SYNE1: variants seen among roughly 807,000 people sequenced by gnomAD.
SYNE1 encodes the protein spectrin repeat containing nuclear envelope protein 1, also known as nesprin-1.
SYNE1 carries 616 observed loss-of-function variants against 1,111.0 expected under a neutral mutation model. The observed-to-expected ratio is 0.55, with a 90% CI of 0.52 to 0.59. The LOEUF (loss-of-function observed/expected upper bound fraction) is 0.59. Among genes scored for constraint, SYNE1 ranks in the 20% least tolerant of loss-of-function variants. The probability of loss-of-function intolerance (pLI) is 0.00; values close to 1 mark genes in which losing one functional copy is unlikely to be tolerated. For synonymous variants in SYNE1, 3,855 were observed against 3,825.8 expected (o/e 1.01, Z -0.28); for missense variants, 10,006 against 10,417.0 (o/e 0.96, Z 1.72).
intron 15 of SYNE1, 175 bp downstream of exon 15, chr6:152,472,126 T>G (rs1192869287): frequency 3.2e-6 from 2 of 633,938 alleles, no homozygotes; most frequent in Non-Finnish European, 5.5e-6. Context: ...CTCTTTTCAG[T>G]TAATAATACA....
intron 145 of SYNE1, chr6:152,128,688 C>A (rs1377976262): frequency 1.3e-5 from 2 of 152,236 alleles, no homozygotes; most frequent in African/African-American, 4.8e-5. Flanking sequence ...TTGCAGACTG[C>A]TGGAAACAAC....
intron 135 of SYNE1, among the ~76,000 whole-genome samples, chr6:152,150,186 T>C (rs1034472127): frequency 2.0e-5 from 3 of 152,236 alleles, no homozygotes; most frequent in Admixed American, 6.5e-5. Context: ...GGTAAAGTTA[T>C]GATTTGAAAA....
chr6:152,154,934 C>T lies in SYNE1; in HGVS notation c.24087G>A (p.Gly8029=), dbSNP rs772983610. The T allele has an allele frequency of 6.2e-7, 1 of 1,614,130 alleles. No individual in the cohort carries two copies. The highest frequency in any genetic ancestry group is 1.1e-5 in the South Asian group (1 of 91,080). Residue 8029 remains glycine (G), a synonymous_variant, in exon 133 of 146, where the codon GGG becomes GGA. Transcript: ENST00000367255. The part of the protein sequence containing the change: ...ERTAAFPSSS[G]VIYTVAKEEL... ...CTTCCTTGGCAACTGTATAGATCAC[C>T]CCAGAAGAGCTGGGAAAAGCAGCTG...
At chr6:152,192,855 C>A (rs569373834) in intron 127 of SYNE1, among the ~76,000 whole-genome samples, 1 of 151,860 alleles carries the variant, frequency 6.6e-6, no homozygotes, top group South Asian at 2.1e-4. Context: ...TGTCTTGAAA[C>A]CTATTTTGTC....
intron 19 of SYNE1, 118 bp from the exon 20 acceptor site, chr6:152,463,008 C>A (rs2098743343): frequency 8.2e-7 from 1 of 1,222,994 alleles, no homozygotes; most frequent in Non-Finnish European, 1.2e-6. Context: ...AGACTCTAAT[C>A]TTTGATTCTC....
At chr6:152,620,218 TA>T (rs1172580326) in intron 3 of SYNE1, among the ~76,000 whole-genome samples, 3 of 152,182 alleles carry the variant, frequency 2.0e-5, no homozygotes, top group Non-Finnish European at 4.4e-5. Flanking sequence ...TTTTTCTTCC[TA>T]CCACACAGGC....
chr6:152,245,151 A>G (rs994573189), intron 105 of SYNE1, among the ~76,000 whole-genome samples: 2 of 152,214 alleles, frequency 1.3e-5, no homozygotes, highest in African/African-American at 2.4e-5. Context: ...TGGAAAATCA[A>G]TCAGTCAACA....
At chr6:152,361,094 G>A (rs1409183816) in intron 64 of SYNE1, among the ~76,000 whole-genome samples, 2 of 152,214 alleles carry the variant, frequency 1.3e-5, no homozygotes, top group Non-Finnish European at 2.9e-5. Context: ...AGAAAGATAA[G>A]TAGGAGGTTG....
chr6:152,321,450 A>C, intron 83 of SYNE1, 60 bp from the exon 84 acceptor site: 7 of 1,578,208 alleles, frequency 4.4e-6, no homozygotes, highest in Non-Finnish European at 6.0e-6. Context: ...TGTTATAGAC[A>C]AGGCTGTATA....
intron 10 of SYNE1, among the ~76,000 whole-genome samples, chr6:152,501,397 C>T (rs1339072194): frequency 2.0e-5 from 3 of 152,122 alleles, no homozygotes; most frequent in African/African-American, 7.2e-5. Context: ...TTTTTAAAAG[C>T]ATTAAAATTT....
At chr6:152,167,717 G>GC (rs752320913) in intron 130 of SYNE1, 44 of 531,248 alleles carry the variant, frequency 8.3e-5, no homozygotes, top group African/African-American at 8.1e-4. Context: ...CTGTGAACCA[G>GC]CTAAGGCTAA....
At chr6:152,218,633 C>G (rs1397717616) in intron 120 of SYNE1, among the ~76,000 whole-genome samples, 1 of 152,070 alleles carries the variant, frequency 6.6e-6, no homozygotes, top group Non-Finnish European at 1.5e-5. Flanking sequence ...AATAACAATT[C>G]AAATTATTCT....
rs2093010657 is a variant in SYNE1, at chr6:152,269,344, G to A, written c.18574-58C>T. 3.7e-6 allele frequency: 6 copies of A among 1,612,008 alleles called. No individual in the cohort carries two copies. In the Admixed American group the frequency reaches 8.3e-5, roughly 22 times the overall value. On this transcript the variant is annotated intron_variant, in intron 98 of 145. Transcript: ENST00000367255. Reference sequence around the variant, plus strand: ...TACACACCGGAAAACCTTAACCAAAGGGGAGAGAAGGCTACTTTGGTGTGA... The same window carrying A: ...TACACACCGGAAAACCTTAACCAAAAGGGAGAGAAGGCTACTTTGGTGTGA...
intron 121 of SYNE1, among the ~76,000 whole-genome samples, chr6:152,215,298 TG>T (rs1436067265): frequency 1.3e-5 from 2 of 152,236 alleles, no homozygotes; most frequent in Middle Eastern, 3.2e-3. Context: ...TTATCCTTTA[TG>T]GACTACTTAA....
chr6:152,326,263 C>CTAAAATA, intron 79 of SYNE1, 33 bp downstream of exon 79: 2 of 1,613,790 alleles, frequency 1.2e-6, no homozygotes, highest in Non-Finnish European at 8.5e-7. Flanking sequence ...ATTCATTTCA[C>CTAAAATA]TAAAACATAA....
intron 3 of SYNE1, among the ~76,000 whole-genome samples, chr6:152,611,634 G>T (rs936856385): frequency 2.6e-5 from 4 of 152,126 alleles, no homozygotes; most frequent in African/African-American, 9.7e-5. Context: ...ACTCAGCTCT[G>T]CACCAAGGAG....
intron 3 of SYNE1, among the ~76,000 whole-genome samples, chr6:152,564,880 A>C (rs908021120): frequency 6.6e-6 from 1 of 152,236 alleles, no homozygotes; most frequent in Non-Finnish European, 1.5e-5. Context: ...TGTAAACTAG[A>C]GACAAAAATA....
chr6:152,483,603 G>T (rs2098921489), intron 13 of SYNE1, among the ~76,000 whole-genome samples: 1 of 152,112 alleles, frequency 6.6e-6, no homozygotes, highest in South Asian at 2.1e-4. Flanking sequence ...ATGCTTGGAG[G>T]ATGCAGCAGT....
rs751243697 is a variant in SYNE1, at chr6:152,458,854, A to G, written c.2471T>C (p.Met824Thr). ...CCCAAGTGAGTCATAAAAGGACGTC[A>G]TCTGCTTTTCTAATTCCTCCAACGG... ...LIPLEELEKQ[M>T]TSFYDSLGKI... Residue 824 changes from methionine to threonine, a missense_variant, in exon 22 of 146, where the codon ATG becomes ACG. Met to Thr is a moderately conservative substitution (Grantham distance 81, BLOSUM62 -1). This residue lies in a region of SYNE1 where 1,971 missense variants were observed against 2,084.1 expected (regional missense o/e 0.95). Transcript: ENST00000367255. 2 of 1,614,142 alleles carry G rather than the reference A, an allele frequency of 1.2e-6. No homozygotes were observed. The highest frequency in any genetic ancestry group is 2.2e-5 in the South Asian group (2 of 91,082).
Sources: allele counts gnomAD v4.1 joint callset (sites outside exome capture counted in the v4.1 genomes callset), GRCh38; gene constraint gnomAD v4.1.1; regional missense constraint gnomAD v4.1.1; transcripts MANE v1.5; gene names NCBI Gene and HGNC (gene_info 2026-07-23, HGNC 2026-07-21).